The following DPYSL5 variants were observed in gnomAD, a reference collection of about 807,000 sequenced individuals.
The protein encoded by DPYSL5 is dihydropyrimidinase like 5, also known as dihydropyrimidinase-related protein 5.
DPYSL5 carries 9 observed loss-of-function variants against 58.4 expected under a neutral mutation model. The ratio of observed to expected loss-of-function variants is 0.15; its 90% CI spans 0.09 to 0.27. The LOEUF (loss-of-function observed/expected upper bound fraction) is 0.27. Ranked by LOEUF, DPYSL5 falls within the 10% of genes least tolerant of loss-of-function variation. The probability of loss-of-function intolerance (pLI) is 1.00; values close to 1 mark genes in which losing one functional copy is unlikely to be tolerated. For synonymous variants in DPYSL5, 293 were observed against 301.9 expected, an observed-to-expected ratio of 0.97 and a Z score of 0.31; for missense variants, 499 against 770.6, an observed-to-expected ratio of 0.65 and a Z score of 4.17.
intron 6 of DPYSL5, among the ~76,000 whole-genome samples, chr2:26,932,185 A>AAGAAAGAAAGAAAGACAGAC (rs1558351556): frequency 7.1e-5 from 5 of 70,374 alleles, no homozygotes; most frequent in East Asian, 8.4e-4. Flanking sequence ...GAAAGAAAGA[A>AAGAAAGAAAGAAAGACAGAC]AGAAAGAAAG....
intron 1 of DPYSL5, among the ~76,000 whole-genome samples, chr2:26,897,201 C>T (rs934962600): frequency 1.5e-4 from 23 of 152,182 alleles, no homozygotes; most frequent in South Asian, 1.4e-3. Context: ...GAATAACCTA[C>T]GTTGCCTAGC....
chr2:26,911,079 G>GT (rs57441106), intron 2 of DPYSL5, among the ~76,000 whole-genome samples: 31,497 of 100,260 alleles, frequency 0.31, 5,969 homozygotes, highest in African/African-American at 0.42. Context: ...TCTATGTTCA[G>GT]TTTTTTTTTT....
chr2:26,849,852 T>C lies in DPYSL5; in HGVS notation c.-5+1598T>C, dbSNP rs1359889759. ...GAGGCGCTCCCCCGGCCTGGGGGCC[T>C]GCAGACAGCCACCCCCCCACTCCGG... On this transcript the variant is annotated intron_variant, in intron 1 of 12. Coordinates refer to ENST00000288699, the MANE Select transcript of DPYSL5 (RefSeq NM_020134.4). The surrounding 1 kb of genome is among the most constrained non-coding windows in gnomAD (Gnocchi z 6.2). Among the ~76,000 whole-genome samples the C allele has an allele frequency of 6.6e-6, 1 of 152,176 alleles. No homozygotes were observed. The highest frequency in any genetic ancestry group is 6.5e-5 in the Admixed American group (1 of 15,284).
chr2:26,848,959 C>G (rs1159195436), intron 1 of DPYSL5, among the ~76,000 whole-genome samples: 1 of 152,268 alleles, frequency 6.6e-6, no homozygotes, highest in East Asian at 1.9e-4. Flanking sequence ...CAGCGGGCAC[C>G]GACGTCGACG....
At chr2:26,879,387 G>A (rs1663496109) in intron 1 of DPYSL5, among the ~76,000 whole-genome samples, 1 of 150,556 alleles carries the variant, frequency 6.6e-6, no homozygotes, top group South Asian at 2.1e-4. Flanking sequence ...TTGGGAGCCT[G>A]AGGTGGGCAG....
In DPYSL5 at chr2:26,947,520, G is replaced by A. The variant is rs1190352839; in HGVS notation, c.*525G>A. ...GTCCTATCTCCCCCAACCCACCTCTGGCCCTGTGTAGGGGCAGGGATGGGG... is the reference window on the plus strand; with the variant it reads ...GTCCTATCTCCCCCAACCCACCTCTAGCCCTGTGTAGGGGCAGGGATGGGG... On this transcript the variant is annotated 3_prime_UTR_variant, in exon 13 of 13. Transcript: ENST00000288699. This position sits in a 1 kb window ranked among gnomAD's most constrained non-coding sequence, Gnocchi z 4.2. The A allele has an allele frequency of 6.5e-6, 1 of 154,020 alleles. No individual in the cohort carries two copies. Among genetic ancestry groups the A allele is most frequent in the African/African-American group, 2.4e-5 (1 of 41,446 alleles). The allele number at this position is 154,020 out of a possible 1,614,324, so 9.5% of individuals were successfully genotyped here.
At chr2:26,929,326 G>A (rs182414276) in intron 5 of DPYSL5, among the ~76,000 whole-genome samples, 253 of 152,186 alleles carry the variant, frequency 1.7e-3, no homozygotes, top group African/African-American at 6.0e-3. Context: ...TCTGCATCCC[G>A]GGTTCAAGCC....
intron 1 of DPYSL5, among the ~76,000 whole-genome samples, chr2:26,873,071 C>A (rs1474045199): frequency 6.6e-6 from 1 of 152,168 alleles, no homozygotes; most frequent in Non-Finnish European, 1.5e-5. Context: ...TTTGTTTGAA[C>A]TGCTAGGAAG....
intron 2 of DPYSL5, among the ~76,000 whole-genome samples, chr2:26,922,264 G>T (rs1424949266): frequency 1.3e-5 from 2 of 152,270 alleles, no homozygotes; most frequent in South Asian, 2.1e-4. Flanking sequence ...GCTTAGGTCT[G>T]CAGGCTGCAG....
In DPYSL5 at chr2:26,874,553, T is replaced by C. The variant is rs1193131262; in HGVS notation, c.-4-23943T>C. On this transcript the variant is annotated intron_variant, in intron 1 of 12. Transcript: ENST00000288699. ...TATATGTAGGTCTATTTCTAGAATCTCTATTCTGTATCATCCACATATTCA... is the reference window on the plus strand; with the variant it reads ...TATATGTAGGTCTATTTCTAGAATCCCTATTCTGTATCATCCACATATTCA... Among the ~76,000 whole-genome samples the C allele has an allele frequency of 2.0e-5, 3 of 152,254 alleles. No individual in the cohort carries two copies. The East Asian group carries it at 5.8e-4, about 29-fold the overall frequency.
chr2:26,894,152 G>A (rs1478872834), intron 1 of DPYSL5, among the ~76,000 whole-genome samples: 1 of 151,022 alleles, frequency 6.6e-6, no homozygotes, highest in African/African-American at 2.4e-5. Context: ...ATTAACCAAA[G>A]TGTGCCCCCT....
intron 1 of DPYSL5, among the ~76,000 whole-genome samples, chr2:26,850,362 C>T (rs1665720240): frequency 6.6e-6 from 1 of 152,118 alleles, no homozygotes; most frequent in Admixed American, 6.5e-5. Flanking sequence ...CAGGGCTTTC[C>T]ACGCACTCAG....
rs1449981276 is a variant in DPYSL5 at position 26,939,961 on chromosome 2, A to G, written c.948-70A>G. On this transcript the variant is annotated intron_variant, in intron 8 of 12. Transcript: ENST00000288699. Reference sequence around the variant, plus strand: ...GCTTCCCACACGGAGGATTTTCCCTATATCTATCCTCACCCTCTAAGTTCC... The same window carrying G: ...GCTTCCCACACGGAGGATTTTCCCTGTATCTATCCTCACCCTCTAAGTTCC... 4.1e-5 allele frequency: 65 copies of G among 1,589,440 alleles called. 1 individual carries two copies. In the Middle Eastern group the frequency reaches 8.4e-4, roughly 21 times the overall value.
chr2:26,869,525 A>C (rs1663202850), intron 1 of DPYSL5, among the ~76,000 whole-genome samples: 1 of 152,172 alleles, frequency 6.6e-6, no homozygotes. Flanking sequence ...AAAATACTCT[A>C]TATATAGATA....
intron 1 of DPYSL5, among the ~76,000 whole-genome samples, chr2:26,866,168 G>A (rs960086485): frequency 6.6e-6 from 1 of 152,158 alleles, no homozygotes; most frequent in Non-Finnish European, 1.5e-5. Context: ...AATAATCTGT[G>A]TGATATCAAG....
intron 2 of DPYSL5, among the ~76,000 whole-genome samples, chr2:26,908,455 G>C (rs1664353741): frequency 6.6e-6 from 1 of 152,186 alleles, no homozygotes; most frequent in Non-Finnish European, 1.5e-5. Context: ...ACAAAACCTT[G>C]CTGGCAACTT....
chr2:26,890,179 T>C (rs1299898471), intron 1 of DPYSL5, among the ~76,000 whole-genome samples: 1 of 152,188 alleles, frequency 6.6e-6, no homozygotes, highest in African/African-American at 2.4e-5. Flanking sequence ...CTGTTAGGTC[T>C]TTAGGCAAGA....
rs1558351566 is a variant in DPYSL5 at position 26,932,187 on chromosome 2, GAAAGAAAGAAAGAAAGAAAGA to G, written c.714+527_714+547del. On this transcript the variant is annotated intron_variant, in intron 6 of 12. Coordinates refer to ENST00000288699, the MANE Select transcript of DPYSL5 (RefSeq NM_020134.4). ...AGAAAGAAAGAAAGAAAGAAAGAAA[GAAAGAAAGAAAGAAAGAAAGA>G]AAAGAAAGAAAGAAAGAAAGAAAGA... Among the ~76,000 whole-genome samples, 186 of 78,788 alleles carry G rather than the reference GAAAGAAAGAAAGAAAGAAAGA, an allele frequency of 2.4e-3. 4 individuals are homozygous for G. The highest frequency in any genetic ancestry group is 7.1e-3 in the African/African-American group (156 of 21,894). 51.7% of individuals were successfully genotyped at this position (78,788 alleles called of 152,430 possible). A position where few individuals can be genotyped will look rare whatever the true frequency, so the allele number is the denominator to read the frequency against.
rs116662780 is a variant in DPYSL5, at chr2:26,921,639, G to A, written c.262-3248G>A. On this transcript the variant is annotated intron_variant, in intron 2 of 12. Coordinates refer to ENST00000288699, the MANE Select transcript of DPYSL5 (RefSeq NM_020134.4). The stretch of plus-strand genomic sequence containing the variant: ...TATTCAAAAAGCCAACTCTATGTAT[G>A]TCTTGCCTAAGAGGAAACAAGTGCT... Among the ~76,000 whole-genome samples, 739 of 152,316 alleles carry A rather than the reference G, an allele frequency of 4.9e-3. 6 individuals are homozygous for A. Among genetic ancestry groups the A allele is most frequent in the African/African-American group, 0.017 (702 of 41,566 alleles).
Sources: allele counts gnomAD v4.1 joint callset (sites outside exome capture counted in the v4.1 genomes callset), GRCh38; gene constraint gnomAD v4.1.1; non-coding constraint Gnocchi (gnomAD v3.1); transcripts MANE v1.5; gene names NCBI Gene and HGNC (gene_info 2026-07-23, HGNC 2026-07-21).